The following CACNA1E variants were observed in gnomAD, a reference collection of about 807,000 sequenced individuals.
CACNA1E encodes voltage-dependent R-type calcium channel subunit alpha-1E.
In CACNA1E, 40 loss-of-function variants were observed where a neutral mutation model predicts 259.2. The ratio of observed to expected loss-of-function variants is 0.15; its 90% confidence interval spans 0.12 to 0.20. CACNA1E has a LOEUF of 0.20. Among genes scored for constraint, CACNA1E ranks in the 10% least tolerant of loss-of-function variants. The pLI is 1.00. For missense variants in CACNA1E, 1,874 were observed against 3,040.1 expected (o/e 0.62, Z 9.02); for synonymous variants, 1,104 against 1,138.5 (o/e 0.97, Z 0.61).
In CACNA1E at chr1:181,762,761, G is replaced by A. The variant is rs146604750; in HGVS notation, c.4689+104G>A. The A allele has an allele frequency of 3.4e-4, 239 of 698,564 alleles. 1 individual carries two copies. The highest frequency in any genetic ancestry group is 3.2e-3 in the South Asian group (193 of 60,568). 43.3% of individuals were successfully genotyped at this position (698,564 alleles called of 1,614,324 possible). ...ATTTTTAACCCACCAAAGCAAATGC[G>A]TACCCCTCTAAGTGTTGGGAATTTA... On this transcript the variant is annotated intron_variant, in intron 33 of 47. Coordinates refer to ENST00000367573, the MANE Select transcript of CACNA1E (RefSeq NM_001205293.3).
At chr1:181,594,052 AAAGTT>A (rs1388277113) in intron 6 of CACNA1E, among the ~76,000 whole-genome samples, 3 of 152,222 alleles carry the variant, frequency 2.0e-5, no homozygotes, top group African/African-American at 4.8e-5. Flanking sequence ...GGCAAAATAA[AAAGTT>A]AAGAACATCA....
At chr1:181,320,779 C>G (rs910680516) in intron 1 of CACNA1E, among the ~76,000 whole-genome samples, 4 of 152,138 alleles carry the variant, frequency 2.6e-5, no homozygotes, top group Admixed American at 2.6e-4. Flanking sequence ...GTCTGCTCGG[C>G]CATCCTGACT....
intron 1 of CACNA1E, among the ~76,000 whole-genome samples, chr1:181,368,280 C>CT (rs1553236603): frequency 6.7e-6 from 1 of 148,232 alleles, no homozygotes; most frequent in East Asian, 2.0e-4. Flanking sequence ...GAAAGAGACT[C>CT]TGTCTAAAAA....
intron 1 of CACNA1E, among the ~76,000 whole-genome samples, chr1:181,381,045 A>G (rs1158564932): frequency 6.6e-6 from 1 of 152,134 alleles, no homozygotes; most frequent in East Asian, 1.9e-4. Context: ...GGGCATCTGT[A>G]ATCCCAGCTA....
At chr1:181,335,368 G>C (rs1007731137) in intron 1 of CACNA1E, among the ~76,000 whole-genome samples, 1 of 152,158 alleles carries the variant, frequency 6.6e-6, no homozygotes, top group African/African-American at 2.4e-5. Flanking sequence ...GTACTGAAAC[G>C]GGAGTCTTGT....
rs557166168 is a variant in CACNA1E, at chr1:181,451,074, G to C, written c.435-32670G>C. On this transcript the variant is annotated intron_variant, in intron 2 of 11. Transcript: ENST00000524607. ...AGGCAGCACAAGTGTGGAGGCATGG[G>C]GTGGAAAGATGAGAGCTGTATGGGC... Among the ~76,000 whole-genome samples the C allele has an allele frequency of 1.7e-4, 26 of 152,312 alleles. 1 individual carries two copies. The highest frequency in any genetic ancestry group is 3.4e-3 in the Middle Eastern group (1 of 294).
At chr1:181,785,946 T>C in intron 43 of CACNA1E, 127 bp downstream of exon 43, 6 of 654,978 alleles carry the variant, frequency 9.2e-6, no homozygotes, top group Non-Finnish European at 2.7e-6. Context: ...GTGATCCTTT[T>C]TCTGAAGTTG....
At chr1:181,670,053 A>T (rs914097242) in intron 7 of CACNA1E, among the ~76,000 whole-genome samples, 11 of 152,292 alleles carry the variant, frequency 7.2e-5, no homozygotes, top group African/African-American at 2.6e-4. Context: ...TTAGAAAAAA[A>T]TATGTTTTTG....
intron 6 of CACNA1E, among the ~76,000 whole-genome samples, chr1:181,640,709 T>C (rs1657669750): frequency 6.6e-6 from 1 of 152,214 alleles, no homozygotes; most frequent in Non-Finnish European, 1.5e-5. Context: ...TAAGTGTACT[T>C]GCTGTATGTC....
At chr1:181,714,424 A>G (rs1004212742) in intron 8 of CACNA1E, among the ~76,000 whole-genome samples, 2 of 152,088 alleles carry the variant, frequency 1.3e-5, no homozygotes, top group African/African-American at 4.8e-5. Context: ...TGCCTCCTGA[A>G]CCCCAACATG....
At chr1:181,679,518 T>C (rs1419912442) in intron 7 of CACNA1E, among the ~76,000 whole-genome samples, 1 of 152,136 alleles carries the variant, frequency 6.6e-6, no homozygotes, top group Non-Finnish European at 1.5e-5. Flanking sequence ...GCCAGGGAGC[T>C]CCATGTAAAC....
At chr1:181,622,225 C>T (rs1335775736) in intron 6 of CACNA1E, among the ~76,000 whole-genome samples, 5 of 152,148 alleles carry the variant, frequency 3.3e-5, no homozygotes, top group Admixed American at 6.5e-5. Context: ...CCTTCCCCTG[C>T]GAGTCTTCTG....
chr1:181,779,717 A>ATACTT (rs1048243364), intron 38 of CACNA1E, among the ~76,000 whole-genome samples: 32 of 152,138 alleles, frequency 2.1e-4, no homozygotes, highest in African/African-American at 7.5e-4. Context: ...AGATAAGGGC[A>ATACTT]TACTTTGGGG....
chr1:181,626,333 T>C (rs1656197373), intron 6 of CACNA1E, among the ~76,000 whole-genome samples: 1 of 152,192 alleles, frequency 6.6e-6, no homozygotes, highest in South Asian at 2.1e-4. Flanking sequence ...CGAAGTGCAG[T>C]AAAGTACAGT....
chr1:181,681,414 G>A (rs905422037), intron 7 of CACNA1E, among the ~76,000 whole-genome samples: 2 of 152,102 alleles, frequency 1.3e-5, no homozygotes, highest in African/African-American at 4.8e-5. Flanking sequence ...TCCTTATCTG[G>A]TCTGCAAATT....
At chr1:181,705,507 C>G (rs554094237) in intron 7 of CACNA1E, among the ~76,000 whole-genome samples, 1 of 152,216 alleles carries the variant, frequency 6.6e-6, no homozygotes, top group Admixed American at 6.5e-5. Context: ...ATTTAGAAAC[C>G]CAAACCTTGC....
intron 45 of CACNA1E, 71 bp from the exon 46 acceptor site, chr1:181,794,793 G>T: frequency 7.0e-7 from 1 of 1,420,394 alleles, no homozygotes. Context: ...CAGTCTTGCT[G>T]CTTCTGTCCT....
At chr1:181,510,717 A>T in intron 2 of CACNA1E, 135 bp downstream of exon 2, 3 of 651,170 alleles carry the variant, frequency 4.6e-6, no homozygotes, top group Non-Finnish European at 8.5e-6. Flanking sequence ...GGGACAAGCT[A>T]ATGACAGACC....
intron 1 of CACNA1E, among the ~76,000 whole-genome samples, chr1:181,391,550 G>C (rs1656279611): frequency 6.6e-6 from 1 of 152,118 alleles, no homozygotes; most frequent in Non-Finnish European, 1.5e-5. Context: ...TGGGGGGGAA[G>C]CTCCGTGGCA....
Sources: gnomAD v4.1 joint callset for allele counts (sites outside exome capture counted in the v4.1 genomes callset) on GRCh38, gnomAD v4.1.1 for gene constraint, MANE v1.5 for transcripts, NCBI Gene and HGNC (gene_info 2026-07-23, HGNC 2026-07-21) for gene names.